CNTNAP2: variants seen among roughly 807,000 people sequenced by gnomAD.
CNTNAP2 encodes contactin associated protein 2.
In CNTNAP2, 98 loss-of-function variants were observed where a neutral mutation model predicts 155.2. The observed-to-expected ratio is 0.63, with a 90% CI of 0.54 to 0.75. The LOEUF is 0.75. Among genes scored for constraint, CNTNAP2 ranks in the 30% least tolerant of loss-of-function variants. The pLI, the probability that CNTNAP2 is intolerant of heterozygous loss-of-function variation, is 0.00. For missense variants in CNTNAP2, 1,727 were observed against 1,688.1 expected, an observed-to-expected ratio of 1.02 and a Z score of -0.40; for synonymous variants, 651 against 631.2, an observed-to-expected ratio of 1.03 and a Z score of -0.47.
chr7:147,771,379 A>C (rs545895219), intron 13 of CNTNAP2, among the ~76,000 whole-genome samples: 1 of 152,342 alleles, frequency 6.6e-6, no homozygotes, highest in Non-Finnish European at 1.5e-5. Context: ...GTAGAGAGGA[A>C]AGCTATAGAA....
chr7:147,612,172 A>G (rs1449216649), intron 12 of CNTNAP2, among the ~76,000 whole-genome samples: 3 of 152,204 alleles, frequency 2.0e-5, no homozygotes, highest in Non-Finnish European at 4.4e-5. Context: ...TTAAATAACT[A>G]GACATTGTAA....
intron 15 of CNTNAP2, among the ~76,000 whole-genome samples, chr7:148,002,432 C>T (rs181285182): frequency 8.5e-5 from 13 of 152,128 alleles, no homozygotes; most frequent in African/African-American, 3.1e-4. Flanking sequence ...TTTATATAAA[C>T]ACAACATTTT....
At chr7:147,607,298 C>T (rs1235375954) in intron 12 of CNTNAP2, among the ~76,000 whole-genome samples, 2 of 152,010 alleles carry the variant, frequency 1.3e-5, no homozygotes, top group Non-Finnish European at 2.9e-5. Flanking sequence ...GACTTTGGTT[C>T]ACCTTTAGTT....
chr7:147,639,238 A>G lies in CNTNAP2; in HGVS notation c.2030A>G (p.Asp677Gly). 1 of 1,614,146 alleles carries G rather than the reference A, an allele frequency of 6.2e-7. No individual in the cohort carries two copies. The highest frequency in any genetic ancestry group is 8.5e-7 in the Non-Finnish European group (1 of 1,180,004). ...ASMDQISAIT[D>G]SAEYCEQYVS... Reference sequence around the variant, plus strand: ...ATGGACCAGATAAGTGCCATCACTGACAGTGCCGAGTACTGCGAGCAGTAT... The same window carrying G: ...ATGGACCAGATAAGTGCCATCACTGGCAGTGCCGAGTACTGCGAGCAGTAT... Residue 677 changes from aspartate (D) to glycine (G), a missense_variant, in exon 13 of 24, where the codon GAC becomes GGC. Physicochemically the swap from Asp to Gly is moderately conservative, Grantham distance 94. Transcript: ENST00000361727.
chr7:147,664,630 C>T (rs1002447321), intron 13 of CNTNAP2, among the ~76,000 whole-genome samples: 3 of 152,198 alleles, frequency 2.0e-5, no homozygotes, highest in Non-Finnish European at 4.4e-5. Flanking sequence ...CGGTCCAGTA[C>T]AGTTCCTTTT....
At chr7:146,292,761 T>C (rs146405622) in intron 1 of CNTNAP2, among the ~76,000 whole-genome samples, 156 of 152,252 alleles carry the variant, frequency 1.0e-3, no homozygotes, top group Admixed American at 3.2e-3. Flanking sequence ...TGCTAAGTAA[T>C]ATAAATTAGG....
At chr7:147,025,579 G>A (rs1798903234) in intron 3 of CNTNAP2, among the ~76,000 whole-genome samples, 1 of 151,470 alleles carries the variant, frequency 6.6e-6, no homozygotes, top group South Asian at 2.1e-4. Flanking sequence ...CTCCCACTAG[G>A]TCCCACCTCC....
chr7:147,086,435 A>T (rs991928890), intron 4 of CNTNAP2, among the ~76,000 whole-genome samples: 3 of 151,730 alleles, frequency 2.0e-5, no homozygotes, highest in African/African-American at 4.8e-5. Context: ...TTTATTTTTA[A>T]TTTTTTTAAA....
At chr7:146,790,633 G>C (rs543786372) in intron 2 of CNTNAP2, among the ~76,000 whole-genome samples, 5 of 150,628 alleles carry the variant, frequency 3.3e-5, no homozygotes, top group South Asian at 4.2e-4. Context: ...GCAGTGGCGC[G>C]ATCTCAGCTC....
At chr7:147,531,965 T>C (rs1159475550) in intron 11 of CNTNAP2, among the ~76,000 whole-genome samples, 3 of 151,808 alleles carry the variant, frequency 2.0e-5, no homozygotes, top group Non-Finnish European at 4.4e-5. Context: ...TGCCACCATG[T>C]CCGACTAATT....
At chr7:146,630,327 G>A (rs188835253) in intron 1 of CNTNAP2, among the ~76,000 whole-genome samples, 21 of 152,084 alleles carry the variant, frequency 1.4e-4, no homozygotes, top group Admixed American at 1.0e-3. Context: ...CCTTTTTTAC[G>A]GCTGCATAGT....
At chr7:148,100,788 C>T (rs1171768428) in intron 15 of CNTNAP2, among the ~76,000 whole-genome samples, 1 of 151,844 alleles carries the variant, frequency 6.6e-6, no homozygotes, top group African/African-American at 2.4e-5. Context: ...ATTTATATAC[C>T]CAAAGGATTA....
chr7:147,598,581 G>T (rs1028302584), intron 12 of CNTNAP2, among the ~76,000 whole-genome samples: 1 of 152,044 alleles, frequency 6.6e-6, no homozygotes, highest in Non-Finnish European at 1.5e-5. Flanking sequence ...ATCCTCATTT[G>T]TAAGCCTCTG....
At chr7:146,673,515 G>T (rs1468736392) in intron 1 of CNTNAP2, among the ~76,000 whole-genome samples, 1 of 152,160 alleles carries the variant, frequency 6.6e-6, no homozygotes, top group East Asian at 1.9e-4. Context: ...CTAACTGGAT[G>T]TGTAAACAGA....
chr7:148,375,484 C>T (rs190341983), intron 21 of CNTNAP2, among the ~76,000 whole-genome samples: 5,842 of 150,486 alleles, frequency 0.039, 138 homozygotes, highest in African/African-American at 0.056. Flanking sequence ...CTCAGCCTCC[C>T]GAGTAGCTGG....
chr7:147,612,401 C>CTT lies in CNTNAP2; in HGVS notation c.1898-26689_1898-26688dup, dbSNP rs565607932. On this transcript the variant is annotated intron_variant, in intron 12 of 23. Coordinates refer to ENST00000361727, the MANE Select transcript of CNTNAP2 (RefSeq NM_014141.6). ...AATTAAAGCTTATGTAATTTTCTTT[C>CTT]TTTTTTTTTTTTTTTTTCTGAGACG... Among the ~76,000 whole-genome samples the CTT allele has an allele frequency of 9.8e-3, 1,308 of 133,028 alleles. 21 individuals are homozygous for CTT. Among genetic ancestry groups the CTT allele is most frequent in the African/African-American group, 0.034 (1,217 of 36,288 alleles). 87.3% of individuals were successfully genotyped at this position (133,028 alleles called of 152,430 possible).
chr7:147,820,401 T>A (rs1798342958), intron 13 of CNTNAP2, among the ~76,000 whole-genome samples: 1 of 152,122 alleles, frequency 6.6e-6, no homozygotes, highest in Non-Finnish European at 1.5e-5. Context: ...TTATTCTGAA[T>A]CTAAGTCCTT....
At chr7:146,641,699 A>G (rs1799710632) in intron 1 of CNTNAP2, among the ~76,000 whole-genome samples, 1 of 152,150 alleles carries the variant, frequency 6.6e-6, no homozygotes, top group Admixed American at 6.5e-5. Flanking sequence ...TCTACTTAAG[A>G]GTTTCATGCA....
intron 8 of CNTNAP2, among the ~76,000 whole-genome samples, chr7:147,211,322 T>C (rs1056597603): frequency 3.3e-5 from 5 of 152,026 alleles, no homozygotes; most frequent in Admixed American, 2.0e-4. Flanking sequence ...AAGGTTGGGT[T>C]CATATATGTT....
Sources: allele counts gnomAD v4.1 joint callset (sites outside exome capture counted in the v4.1 genomes callset), GRCh38; gene constraint gnomAD v4.1.1; transcripts MANE v1.5; gene names NCBI Gene and HGNC (gene_info 2026-07-23, HGNC 2026-07-21).